The following SPOPL variants were observed in gnomAD, a reference collection of about 807,000 sequenced individuals.
SPOPL encodes speckle type BTB/POZ protein like, also known as speckle-type POZ protein-like.
SPOPL carries 23 observed loss-of-function variants against 53.8 expected under a neutral mutation model. The observed-to-expected ratio is 0.43, with a 90% CI of 0.31 to 0.61. The LOEUF is 0.61. Among genes scored for constraint, SPOPL ranks in the 20% least tolerant of loss-of-function variants. The pLI, the probability that SPOPL is intolerant of heterozygous loss-of-function variation, is 0.12. For synonymous variants in SPOPL, 164 were observed against 149.7 expected (o/e 1.10, Z -0.70); for missense variants, 442 against 466.9 (o/e 0.95, Z 0.49).
At position 138,550,973 on chromosome 2, in the gene SPOPL, G is replaced by A; in HGVS notation, c.271G>A (p.Val91Ile). 6.2e-7 allele frequency: 1 copy of A among 1,613,540 alleles called. No homozygotes were observed. The highest frequency in any genetic ancestry group is 8.5e-7 in the Non-Finnish European group (1 of 1,179,640). ...CTACTTGTCCTTATATTTGCTTTTA[G>A]TCAGCTGCCCCAAAAGTGAAGTTCG... ...KDYLSLYLLLVSCPKSEVRAK... is the reference protein window; with the variant it reads ...KDYLSLYLLLISCPKSEVRAK... Residue 91 changes from valine to isoleucine, a missense_variant, in exon 4 of 11, where the codon GTC (valine) becomes ATC (isoleucine). By Grantham distance (29) the Val-to-Ile change is conservative. Transcript: ENST00000280098.
chr2:138,525,897 A>G (rs1052731178), intron 1 of SPOPL, among the ~76,000 whole-genome samples: 21 of 151,882 alleles, frequency 1.4e-4, no homozygotes, highest in South Asian at 2.1e-4. Context: ...AGTAGAGACA[A>G]TAGGGTATCA....
chr2:138,511,884 CTG>C (rs1214655374), intron 1 of SPOPL, among the ~76,000 whole-genome samples: 2 of 152,144 alleles, frequency 1.3e-5, no homozygotes, highest in African/African-American at 4.8e-5. Context: ...CATTTAATAG[CTG>C]TATGACTTTA....
At position 138,569,413 on chromosome 2, in the gene SPOPL, GAAGAT is replaced by G. The variant is rs1427438049; in HGVS notation, c.*335_*339del. 5.3e-6 allele frequency: 1 copy of G among 188,844 alleles called. No homozygotes were observed. The highest frequency in any genetic ancestry group is 1.1e-5 in the Non-Finnish European group (1 of 92,668). 11.7% of individuals were successfully genotyped at this position (188,844 alleles called of 1,614,324 possible). On this transcript the variant is annotated 3_prime_UTR_variant, in exon 11 of 11. Transcript: ENST00000280098. ...CCATAATGCAGTAATATTGATAACT[GAAGAT>G]ACTAAGTTTCAAAAGGATCTTCCAT...
At position 138,534,293 on chromosome 2, in the gene SPOPL, A is replaced by G. The variant is rs374596202; in HGVS notation, c.-60-15864A>G. ...AAATATATGGGAAAAAAAATTAACA[A>G]TACAACAATTTAAAAAATCTAATAA... On this transcript the variant is annotated intron_variant, in intron 1 of 10. Transcript: ENST00000280098. 7.9e-5 allele frequency among the ~76,000 whole-genome samples: 12 copies of G among 152,342 alleles called. No homozygotes were observed. In the South Asian group the frequency reaches 2.1e-3, roughly 26 times the overall value.
chr2:138,561,022 T>G, intron 8 of SPOPL, 95 bp downstream of exon 8: 1 of 1,446,060 alleles, frequency 6.9e-7, no homozygotes. Context: ...AACTCGTATT[T>G]TGTAGATGGC....
chr2:138,512,441 G>C (rs1684343677), intron 1 of SPOPL, among the ~76,000 whole-genome samples: 1 of 151,970 alleles, frequency 6.6e-6, no homozygotes, highest in Non-Finnish European at 1.5e-5. Flanking sequence ...TTTTTAAAGG[G>C]TTTCAGTATT....
In SPOPL at chr2:138,571,890, A is replaced by G. The variant is rs186740722; in HGVS notation, c.*2810A>G. ...TTTAATGTGTGTTGATATTTGGAGC[A>G]CAAATAATGAAGGTGCCATAATATG... On this transcript the variant is annotated 3_prime_UTR_variant, in exon 11 of 11. Coordinates refer to ENST00000280098, the MANE Select transcript of SPOPL (RefSeq NM_001001664.3). 8 of 152,750 alleles carry G rather than the reference A, an allele frequency of 5.2e-5. No individual in the cohort carries two copies. Among genetic ancestry groups the G allele is most frequent in the Admixed American group, 5.2e-4 (8 of 15,278 alleles). 9.5% of individuals were successfully genotyped at this position (152,750 alleles called of 1,614,324 possible).
At chr2:138,558,956 T>C (rs1685484378) in intron 5 of SPOPL, 66 bp from the exon 6 acceptor site, 1 of 1,344,460 alleles carries the variant, frequency 7.4e-7, no homozygotes. Flanking sequence ...AATTGAAGTA[T>C]GGACTTAAAC....
intron 1 of SPOPL, among the ~76,000 whole-genome samples, chr2:138,523,620 C>G (rs1684605326): frequency 6.6e-6 from 1 of 152,164 alleles, no homozygotes; most frequent in Admixed American, 6.5e-5. Flanking sequence ...AGTGGGGGTA[C>G]AGGCATTGGG....
intron 1 of SPOPL, among the ~76,000 whole-genome samples, chr2:138,524,579 C>T (rs751416532): frequency 2.0e-5 from 3 of 152,212 alleles, no homozygotes; most frequent in Non-Finnish European, 4.4e-5. Context: ...TTTAACAGCA[C>T]CCAGGTCACC....
intron 1 of SPOPL, among the ~76,000 whole-genome samples, chr2:138,541,627 C>G (rs1330144665): frequency 6.6e-6 from 1 of 151,298 alleles, no homozygotes; most frequent in African/African-American, 2.4e-5. Context: ...TGATTCTTCT[C>G]TCTTCTTTAT....
intron 1 of SPOPL, among the ~76,000 whole-genome samples, chr2:138,540,148 G>A (rs1685036214): frequency 6.6e-6 from 1 of 152,148 alleles, no homozygotes; most frequent in African/African-American, 2.4e-5. Flanking sequence ...GGTTACTGTA[G>A]CCTTGTAATA....
chr2:138,569,057 C>A lies in SPOPL; in HGVS notation c.1156C>A (p.Arg386Ser). The A allele has an allele frequency of 6.2e-7, 1 of 1,613,498 alleles. No individual in the cohort carries two copies. Among genetic ancestry groups the A allele is most frequent in the Non-Finnish European group, 8.5e-7 (1 of 1,179,824 alleles). The change falls in exon 11 of 11, where the codon CGC becomes AGC. Residue 386 changes from arginine (R) to serine (S), a missense_variant. By Grantham distance (110) the Arg-to-Ser change is moderately radical. Coordinates refer to ENST00000280098, the MANE Select transcript of SPOPL (RefSeq NM_001001664.3). The stretch of plus-strand genomic sequence containing the variant: ...ACAGTGTCCACAGTTTGGCATTCCA[C>A]GCAAACGGCTAAAACAGTCCTGAAA... ...SAQCPQFGIP[R>S]KRLKQS
chr2:138,566,281 A>T (rs918112619), intron 10 of SPOPL, among the ~76,000 whole-genome samples: 2 of 152,134 alleles, frequency 1.3e-5, no homozygotes, highest in Admixed American at 6.6e-5. Context: ...TTTTGAGTTT[A>T]AAGTATACTA....
In SPOPL at chr2:138,564,808, G is replaced by A; in HGVS notation, c.938G>A (p.Ser313Asn). ...ADTLVLADLHSAEQLKAQAID... is the reference protein window; with the variant it reads ...ADTLVLADLHNAEQLKAQAID... ...ACCCTTGTCCTTGCAGATTTGCACA[G>A]TGCAGAACAGTTGAAAGCACAAGCC... Residue 313 changes from serine to asparagine, a missense_variant, in exon 9 of 11, where the codon AGT becomes AAT. Transcript: ENST00000280098. 1.2e-6 allele frequency: 2 copies of A among 1,614,194 alleles called. No homozygotes were observed. Among genetic ancestry groups the A allele is most frequent in the Non-Finnish European group, 1.7e-6 (2 of 1,180,020 alleles).
Position 138,551,773 on chromosome 2 carries a change from G to C in SPOPL, c.352+719G>C, listed in dbSNP as rs144380246. Among the ~76,000 whole-genome samples, 788 of 151,970 alleles carry C rather than the reference G, an allele frequency of 5.2e-3. 7 individuals are homozygous for C. Among genetic ancestry groups the C allele is most frequent in the African/African-American group, 0.018 (734 of 41,492 alleles). On this transcript the variant is annotated intron_variant, in intron 4 of 10. Coordinates refer to ENST00000280098, the MANE Select transcript of SPOPL (RefSeq NM_001001664.3). ...CACCTTAAGATAGTGGAGTATTTCAGGTAGATTGATTACTAATTTTCCACT... is the reference window on the plus strand; with the variant it reads ...CACCTTAAGATAGTGGAGTATTTCACGTAGATTGATTACTAATTTTCCACT...
Position 138,571,317 on chromosome 2 carries a change from T to C in SPOPL, c.*2237T>C, listed in dbSNP as rs1685776000. ...CTAACCACAGTGACTTCAGTAAAAATACCGTATAATGAACATTTCAGCTTC... is the reference window on the plus strand; with the variant it reads ...CTAACCACAGTGACTTCAGTAAAAACACCGTATAATGAACATTTCAGCTTC... On this transcript the variant is annotated 3_prime_UTR_variant, in exon 11 of 11. Coordinates refer to ENST00000280098, the MANE Select transcript of SPOPL (RefSeq NM_001001664.3). 6.6e-6 allele frequency: 1 copy of C among 152,516 alleles called. No individual in the cohort carries two copies. The highest frequency in any genetic ancestry group is 1.5e-5 in the Non-Finnish European group (1 of 67,992). The allele number at this position is 152,516 out of a possible 1,614,324, so 9.4% of individuals were successfully genotyped here.
chr2:138,558,524 A>G (rs1363770330), intron 5 of SPOPL, among the ~76,000 whole-genome samples: 1 of 152,180 alleles, frequency 6.6e-6, no homozygotes, highest in Non-Finnish European at 1.5e-5. Flanking sequence ...TAACACTTTA[A>G]AAACTTCTCA....
At chr2:138,539,594 GTTGT>G (rs201433564) in intron 1 of SPOPL, among the ~76,000 whole-genome samples, 72,595 of 151,022 alleles carry the variant, frequency 0.48, 21,404 homozygotes, top group Non-Finnish European at 0.67. Flanking sequence ...TTTTGATGGG[GTTGT>G]TTGTTTTTTT....
Sources: gnomAD v4.1 joint callset for allele counts (sites outside exome capture counted in the v4.1 genomes callset) on GRCh38, gnomAD v4.1.1 for gene constraint, MANE v1.5 for transcripts, NCBI Gene and HGNC (gene_info 2026-07-23, HGNC 2026-07-21) for gene names.